The following SYT17 variants were observed in gnomAD, a reference collection of about 807,000 sequenced individuals.
The protein encoded by SYT17 is synaptotagmin-17.
Under a neutral mutation model 46.7 loss-of-function variants are expected in SYT17, and 22 were observed. The observed-to-expected ratio is 0.47, with a 90% confidence interval of 0.34 to 0.67. SYT17 has a LOEUF of 0.67. SYT17 is among the 30% of genes least tolerant of loss of function. The pLI is 0.01. For synonymous variants in SYT17, 251 were observed against 248.4 expected, an observed-to-expected ratio of 1.01 and a Z score of -0.10; for missense variants, 519 against 612.8, an observed-to-expected ratio of 0.85 and a Z score of 1.62.
At chr16:19,186,797 T>C (rs756438056) in intron 5 of SYT17, among the ~76,000 whole-genome samples, 4 of 152,230 alleles carry the variant, frequency 2.6e-5, no homozygotes, top group Non-Finnish European at 5.9e-5. Flanking sequence ...CTCTTTATTA[T>C]TCTTTGTTTT....
At chr16:19,249,817 G>C in intron 7 of SYT17, 1 of 958,168 alleles carries the variant, frequency 1.0e-6, no homozygotes, top group Non-Finnish European at 1.5e-6. Flanking sequence ...GCCATGCATG[G>C]TCTGTTATTG....
chr16:19,187,275 C>G (rs1302257327), intron 5 of SYT17, among the ~76,000 whole-genome samples: 2 of 152,152 alleles, frequency 1.3e-5, no homozygotes. Flanking sequence ...CTCCTAGTCT[C>G]AAGCGATCCT....
chr16:19,249,777 C>T (rs891866816), intron 7 of SYT17, among the ~76,000 whole-genome samples: 7 of 152,120 alleles, frequency 4.6e-5, no homozygotes, highest in Admixed American at 3.9e-4. Context: ...GTTTCAGACT[C>T]TTTGGTTCAG....
rs1473564918 is a variant in SYT17 at position 19,182,014 on chromosome 16, AAAG to A, written c.331+1477_331+1479del. Among the ~76,000 whole-genome samples, 4 of 152,140 alleles carry A rather than the reference AAAG, an allele frequency of 2.6e-5. No homozygotes were observed. The East Asian group carries it at 5.8e-4, about 22-fold the overall frequency. On this transcript the variant is annotated intron_variant, in intron 4 of 7. Transcript: ENST00000355377. ...AACTCTGTCTCAAAAAAAAAAAAAAAAAGAGAGAGAGGATTTAAAGTATCTCAC... is the reference window on the plus strand; with the variant it reads ...AACTCTGTCTCAAAAAAAAAAAAAAAAGAGAGAGGATTTAAAGTATCTCAC...
Position 19,267,125 on chromosome 16 carries a change from ACG to A in SYT17, c.*50_*51del. ...ATTTGTTTAAAAAAAAAAAAAAAAG[ACG>A]GAAAAAAATGTGTCACATACTATTA... On this transcript the variant is annotated 3_prime_UTR_variant, in exon 8 of 8. Coordinates refer to ENST00000355377, the MANE Select transcript of SYT17 (RefSeq NM_016524.4). 18 of 1,411,338 alleles carry A rather than the reference ACG, an allele frequency of 1.3e-5. No individual in the cohort carries two copies. Among genetic ancestry groups the A allele is most frequent in the East Asian group, 2.5e-5 (1 of 40,288 alleles). 87.4% of individuals were successfully genotyped at this position (1,411,338 alleles called of 1,614,324 possible).
At chr16:19,207,299 A>T (rs1306892578) in intron 5 of SYT17, among the ~76,000 whole-genome samples, 10 of 152,184 alleles carry the variant, frequency 6.6e-5, no homozygotes, top group Non-Finnish European at 1.5e-4. Context: ...CTTCTATAGC[A>T]ATGCAAAATG....
chr16:19,179,899 G>A (rs566843837), intron 3 of SYT17, among the ~76,000 whole-genome samples: 12 of 152,152 alleles, frequency 7.9e-5, no homozygotes, highest in South Asian at 2.1e-4. Context: ...CATTTCTGCC[G>A]CGCAAAGAAC....
rs192044155 is a variant in SYT17 at position 19,183,650 on chromosome 16, G to A, written c.454G>A (p.Asp152Asn). The A allele has an allele frequency of 3.3e-5, 53 of 1,614,102 alleles. No individual in the cohort carries two copies. Among genetic ancestry groups the A allele is most frequent in the Non-Finnish European group, 4.1e-5 (48 of 1,180,018 alleles). ...SVLRRTYNPD[D>N]YFRKFEPHLY... ...GCTCAGACGGACCTATAACCCCGAC[G>A]ACTATTTCAGGAAGTTCGAACCCCA... Residue 152 changes from aspartate to asparagine, a missense_variant, in exon 5 of 8, where the codon GAC becomes AAC. Transcript: ENST00000355377. This position sits in a 1 kb window ranked among gnomAD's most constrained non-coding sequence, Gnocchi z 5.6.
intron 7 of SYT17, among the ~76,000 whole-genome samples, chr16:19,260,485 CAG>C (rs1016497933): frequency 1.9e-5 from 2 of 105,472 alleles, no homozygotes; most frequent in South Asian, 3.1e-4. Flanking sequence ...ACCTGGGTAA[CAG>C]AGAGAGACCT....
At chr16:19,169,029 C>G (rs1012265115) in intron 1 of SYT17, among the ~76,000 whole-genome samples, 2 of 151,808 alleles carry the variant, frequency 1.3e-5, no homozygotes. Context: ...CCACCCGGCC[C>G]GCCAGCTGCC....
intron 5 of SYT17, among the ~76,000 whole-genome samples, chr16:19,198,994 GC>G (rs766668261): frequency 7.9e-5 from 12 of 152,146 alleles, no homozygotes; most frequent in Non-Finnish European, 4.4e-5. Context: ...TGGGTGGGTG[GC>G]CCAGGTTTCT....
At chr16:19,172,333 C>T in intron 1 of SYT17, 1 of 1,350,378 alleles carries the variant, frequency 7.4e-7, no homozygotes, top group Non-Finnish European at 9.4e-7. Flanking sequence ...CAAGTAACAT[C>T]CACTGTGTGC....
At chr16:19,265,649 G>A (rs893951993) in intron 7 of SYT17, among the ~76,000 whole-genome samples, 3 of 152,198 alleles carry the variant, frequency 2.0e-5, no homozygotes, top group Non-Finnish European at 2.9e-5. Flanking sequence ...CACGCTGGGT[G>A]AATCTGTGAT....
At chr16:19,233,969 G>T (rs1966795216) in intron 7 of SYT17, among the ~76,000 whole-genome samples, 1 of 152,162 alleles carries the variant, frequency 6.6e-6, no homozygotes, top group Non-Finnish European at 1.5e-5. Context: ...GCCTAATAGA[G>T]AGAAGGTTGC....
At chr16:19,217,260 A>G (rs1441353319) in intron 5 of SYT17, among the ~76,000 whole-genome samples, 1 of 152,090 alleles carries the variant, frequency 6.6e-6, no homozygotes, top group African/African-American at 2.4e-5. Context: ...GTGTGCAACC[A>G]TCACCTCTAT....
At chr16:19,241,149 G>A (rs1015850774) in intron 7 of SYT17, among the ~76,000 whole-genome samples, 8 of 151,406 alleles carry the variant, frequency 5.3e-5, no homozygotes, top group East Asian at 1.9e-4. Flanking sequence ...GGGTTTCACC[G>A]TTTTAGCCGG....
At chr16:19,259,575 G>C (rs570404691) in intron 7 of SYT17, among the ~76,000 whole-genome samples, 2 of 152,152 alleles carry the variant, frequency 1.3e-5, no homozygotes, top group African/African-American at 2.4e-5. Flanking sequence ...AGATGACTGA[G>C]TTTATTTGAA....
intron 7 of SYT17, among the ~76,000 whole-genome samples, chr16:19,255,341 C>T (rs185135901): frequency 1.5e-3 from 232 of 152,300 alleles, no homozygotes; most frequent in Admixed American, 3.9e-3. Context: ...TTATTCTTCA[C>T]TGTAGGGCCT....
chr16:19,260,336 CAAAAAAAAAA>C (rs34504914), intron 7 of SYT17, among the ~76,000 whole-genome samples: 2 of 22,884 alleles, frequency 8.7e-5, no homozygotes, highest in Non-Finnish European at 1.4e-4. Flanking sequence ...CAGAAAATAC[CAAAAAAAAAA>C]AAAAAAAAAA....
Sources: gnomAD v4.1 joint callset for allele counts (sites outside exome capture counted in the v4.1 genomes callset) on GRCh38, gnomAD v4.1.1 for gene constraint, Gnocchi (gnomAD v3.1) non-coding constraint, MANE v1.5 for transcripts, NCBI Gene and HGNC (gene_info 2026-07-23, HGNC 2026-07-21) for gene names.